MARCHF1: variants seen among roughly 807,000 people sequenced by gnomAD.
MARCHF1 encodes the protein E3 ubiquitin-protein ligase MARCHF1.
MARCHF1 carries 40 observed loss-of-function variants against 54.2 expected under a neutral mutation model. That is an observed-to-expected ratio of 0.74 (90% CI 0.57 to 0.96). The LOEUF (loss-of-function observed/expected upper bound fraction) is 0.96. Ranked by LOEUF, MARCHF1 falls within the 40% of genes least tolerant of loss-of-function variation. The pLI, the probability that MARCHF1 is intolerant of heterozygous loss-of-function variation, is 0.00. For missense variants in MARCHF1, 586 were observed against 656.5 expected (o/e 0.89, Z 1.17); for synonymous variants, 236 against 236.3 (o/e 1.00, Z 0.01).
chr4:163,996,779 C>A (rs1042654475), intron 2 of MARCHF1, among the ~76,000 whole-genome samples: 1 of 151,972 alleles, frequency 6.6e-6, no homozygotes, highest in Admixed American at 6.6e-5. Flanking sequence ...GGAAATCTAA[C>A]AAACATACAT....
At chr4:164,117,463 G>A (rs1755961980) in intron 1 of MARCHF1, among the ~76,000 whole-genome samples, 1 of 151,890 alleles carries the variant, frequency 6.6e-6, no homozygotes, top group African/African-American at 2.4e-5. Flanking sequence ...TGCATTTCTA[G>A]TAAGTACTTA....
intron 4 of MARCHF1, among the ~76,000 whole-genome samples, chr4:163,782,849 G>GT (rs1257841106): frequency 6.6e-6 from 1 of 152,032 alleles, no homozygotes; most frequent in East Asian, 1.9e-4. Context: ...TAGAATTTTG[G>GT]TCTCCATTGG....
intron 1 of MARCHF1, among the ~76,000 whole-genome samples, chr4:164,282,908 A>G (rs1734060627): frequency 6.6e-6 from 1 of 151,270 alleles, no homozygotes; most frequent in Non-Finnish European, 1.5e-5. Flanking sequence ...CAGTATATCT[A>G]TCAAGCACTT....
intron 1 of MARCHF1, among the ~76,000 whole-genome samples, chr4:164,181,402 T>C (rs1034223468): frequency 4.2e-4 from 64 of 152,182 alleles, no homozygotes; most frequent in African/African-American, 1.5e-3. Context: ...ACTATGTATG[T>C]CTAATTTTTA....
At chr4:163,626,933 C>T (rs1741892725) in intron 5 of MARCHF1, among the ~76,000 whole-genome samples, 1 of 151,928 alleles carries the variant, frequency 6.6e-6, no homozygotes, top group Admixed American at 6.6e-5. Context: ...CCAAACAAAC[C>T]CAAACCAAAC....
At chr4:164,141,315 G>A (rs755393789) in intron 1 of MARCHF1, among the ~76,000 whole-genome samples, 17 of 152,156 alleles carry the variant, frequency 1.1e-4, no homozygotes, top group Non-Finnish European at 1.8e-4. Context: ...TTTTTAATGT[G>A]ATCAACCAAT....
At chr4:164,066,903 A>C (rs895443060) in intron 2 of MARCHF1, among the ~76,000 whole-genome samples, 1 of 152,142 alleles carries the variant, frequency 6.6e-6, no homozygotes, top group Admixed American at 6.5e-5. Context: ...AGGATCAGGA[A>C]AAACAACTAA....
chr4:164,101,009 C>G (rs1266838316), intron 2 of MARCHF1, among the ~76,000 whole-genome samples: 1 of 152,204 alleles, frequency 6.6e-6, no homozygotes, highest in African/African-American at 2.4e-5. Context: ...ACGGACTGCA[C>G]CTGGAAAATC....
chr4:164,168,440 AC>A (rs1310743238), intron 1 of MARCHF1, among the ~76,000 whole-genome samples: 1 of 151,992 alleles, frequency 6.6e-6, no homozygotes, highest in Non-Finnish European at 1.5e-5. Context: ...ATATATCTGC[AC>A]TCTCATATTC....
intron 1 of MARCHF1, among the ~76,000 whole-genome samples, chr4:164,241,442 T>A (rs148795464): frequency 2.0e-5 from 3 of 152,282 alleles, no homozygotes; most frequent in African/African-American, 7.2e-5. Context: ...CCTAGATTGA[T>A]TAATATTTTC....
intron 1 of MARCHF1, among the ~76,000 whole-genome samples, chr4:164,351,631 C>T (rs970505152): frequency 1.5e-4 from 23 of 152,000 alleles, no homozygotes; most frequent in Non-Finnish European, 2.9e-4. Context: ...TCATCAAGAC[C>T]AAAAGTAGAT....
rs182116497 is a variant in MARCHF1 at position 163,602,113 on chromosome 4, C to T, written c.1010+10158G>A. Among the ~76,000 whole-genome samples, 52 of 151,736 alleles carry T rather than the reference C, an allele frequency of 3.4e-4. No individual in the cohort carries two copies. The East Asian group carries it at 6.4e-3, about 19-fold the overall frequency. ...TTATTTTTTATAAGGTGTGTGTGTG[C>T]GTCAGTGTCTTAATTCATTTTTATC... is the stretch of plus-strand genomic sequence containing the variant. On this transcript the variant is annotated intron_variant, in intron 7 of 9. Transcript: ENST00000514618.
chr4:164,128,984 C>T (rs1004085973), intron 1 of MARCHF1, among the ~76,000 whole-genome samples: 1 of 152,186 alleles, frequency 6.6e-6, no homozygotes, highest in African/African-American at 2.4e-5. Context: ...CTCCAACTCC[C>T]TTCCCTACCA....
At chr4:163,893,009 C>CA (rs935669133) in intron 3 of MARCHF1, among the ~76,000 whole-genome samples, 5 of 151,100 alleles carry the variant, frequency 3.3e-5, no homozygotes, top group African/African-American at 1.2e-4. Context: ...TGAACTTAGG[C>CA]AAAACGGATC....
rs777449692 is a variant in MARCHF1 at position 164,126,854 on chromosome 4, A to C, written c.-322-15192T>G. On this transcript the variant is annotated intron_variant, in intron 1 of 9. Transcript: ENST00000514618. ...GCGCATCACTTGAGGTCAGGAGCTC[A>C]AGACCAGCCTGACCAATATGGTGAA... Among the ~76,000 whole-genome samples, 32 of 152,124 alleles carry C rather than the reference A, an allele frequency of 2.1e-4. 1 individual carries two copies. Among genetic ancestry groups the C allele is most frequent in the Non-Finnish European group, 1.2e-4 (8 of 68,014 alleles).
At chr4:163,984,157 GGCC>G (rs1752816977) in intron 3 of MARCHF1, among the ~76,000 whole-genome samples, 1 of 151,836 alleles carries the variant, frequency 6.6e-6, no homozygotes, top group East Asian at 1.9e-4. Context: ...AACAAGAGAT[GGCC>G]CATGAGCTAT....
At chr4:163,987,710 T>G (rs1210036244) in intron 3 of MARCHF1, among the ~76,000 whole-genome samples, 1 of 152,210 alleles carries the variant, frequency 6.6e-6, no homozygotes, top group African/African-American at 2.4e-5. Flanking sequence ...AGCTCCCTTT[T>G]AGGGGAACAC....
chr4:163,704,862 A>G (rs944791309), intron 4 of MARCHF1, among the ~76,000 whole-genome samples: 8 of 151,780 alleles, frequency 5.3e-5, no homozygotes, highest in African/African-American at 1.9e-4. Flanking sequence ...AGATTTTCTT[A>G]AAGGAAGTCT....
At chr4:164,250,781 G>A (rs1459274468) in intron 1 of MARCHF1, among the ~76,000 whole-genome samples, 4 of 151,946 alleles carry the variant, frequency 2.6e-5, no homozygotes, top group Non-Finnish European at 5.9e-5. Flanking sequence ...ACATTGCCTA[G>A]AACAAGAAAA....
Sources: gnomAD v4.1 joint callset for allele counts (sites outside exome capture counted in the v4.1 genomes callset) on GRCh38, gnomAD v4.1.1 for gene constraint, MANE v1.5 for transcripts, NCBI Gene and HGNC (gene_info 2026-07-23, HGNC 2026-07-21) for gene names.